The following OR56B2 variants were observed in gnomAD, a reference collection of about 807,000 sequenced individuals.
The protein encoded by OR56B2 is olfactory receptor 56B2.
At chr11:5,764,895 A>G in the OR56B2 span, among the ~76,000 whole-genome samples, 6 of 139,814 alleles carry the variant, frequency 4.3e-5, no homozygotes, top group African/African-American at 1.6e-4. Context: ...GACCTACCTT[A>G]TAGAGTATTA....
chr11:5,762,316 C>A, the OR56B2 span, among the ~76,000 whole-genome samples: 2 of 151,952 alleles, frequency 1.3e-5, no homozygotes, highest in Non-Finnish European at 2.9e-5. Context: ...GAGGCCATGT[C>A]CAATACTATT....
chr11:5,763,342 T>C, the OR56B2 span, among the ~76,000 whole-genome samples: 1 of 142,460 alleles, frequency 7.0e-6, no homozygotes, highest in Non-Finnish European at 1.6e-5. Context: ...AGACGGAGTT[T>C]CACTCTTGTT....
At chr11:5,768,670 A>G in the OR56B2 span, among the ~76,000 whole-genome samples, 1 of 140,106 alleles carries the variant, frequency 7.1e-6, no homozygotes, top group African/African-American at 2.6e-5. Context: ...ACTAATTTAC[A>G]TTCAATATAA....
chr11:5,763,179 G>A, the OR56B2 span, among the ~76,000 whole-genome samples: 1 of 151,966 alleles, frequency 6.6e-6, no homozygotes, highest in East Asian at 1.9e-4. Context: ...CCTCTTTCAT[G>A]TTTTATAATA....
the OR56B2 span, among the ~76,000 whole-genome samples, chr11:5,762,271 C>G: frequency 6.6e-6 from 1 of 151,928 alleles, no homozygotes; most frequent in African/African-American, 2.4e-5. Flanking sequence ...AATTGATTTA[C>G]TATACTCTCT....
the OR56B2 span, chr11:5,766,364 G>C: frequency 7.1e-6 from 1 of 140,700 alleles, no homozygotes; most frequent in South Asian, 2.3e-4. Flanking sequence ...GTGTTGAATA[G>C]AAGTAGTTAG....
chr11:5,763,345 C>CATAGGTGAGGACTATGGCACAGATG, the OR56B2 span, among the ~76,000 whole-genome samples: 29 of 144,136 alleles, frequency 2.0e-4, no homozygotes, highest in South Asian at 4.5e-4. Context: ...CGGAGTTTCA[C>CATAGGTGAGGACTATGGCACAGATG]TCTTGTTGCC....
At chr11:5,768,315 T>C in the OR56B2 span, among the ~76,000 whole-genome samples, 1 of 139,540 alleles carries the variant, frequency 7.2e-6, no homozygotes, top group East Asian at 2.1e-4. Flanking sequence ...AGTGAGAACA[T>C]GTGGTATTTG....
At chr11:5,768,326 C>T in the OR56B2 span, among the ~76,000 whole-genome samples, 2 of 139,198 alleles carry the variant, frequency 1.4e-5, 1 homozygote, top group Admixed American at 1.5e-4. Flanking sequence ...GTGGTATTTG[C>T]TTTTCTGTTT....
the OR56B2 span, among the ~76,000 whole-genome samples, chr11:5,769,009 T>A: frequency 1.4e-5 from 2 of 139,810 alleles, no homozygotes; most frequent in Admixed American, 1.5e-4. Flanking sequence ...ATCTCTGTGA[T>A]GTCCTCATTT....
chr11:5,767,669 TGTATA>T, the OR56B2 span, among the ~76,000 whole-genome samples: 4 of 139,528 alleles, frequency 2.9e-5, no homozygotes, highest in South Asian at 4.7e-4. Flanking sequence ...TGGAAAATTT[TGTATA>T]GTAAAGAGGA....
the OR56B2 span, among the ~76,000 whole-genome samples, chr11:5,762,802 T>C: frequency 6.6e-6 from 1 of 151,820 alleles, no homozygotes; most frequent in Non-Finnish European, 1.5e-5. Context: ...TGTTTACGTA[T>C]TTATTTAAAG....
chr11:5,767,405 G>A, the OR56B2 span: 1 of 139,020 alleles, frequency 7.2e-6, no homozygotes, highest in East Asian at 2.1e-4. Flanking sequence ...GTGGAGACAA[G>A]CAAACCCTAT....
At chr11:5,766,490 T>G in the OR56B2 span, 1 of 140,266 alleles carries the variant, frequency 7.1e-6, no homozygotes, top group Non-Finnish European at 1.6e-5. Flanking sequence ...CTTTATTATG[T>G]GTCTTATATT....
chr11:5,766,029 A>G, the OR56B2 span: 1 of 140,480 alleles, frequency 7.1e-6, no homozygotes, highest in Admixed American at 7.4e-5. Context: ...AGGCTTATAC[A>G]AGGTACTTAG....
At chr11:5,764,507 A>T in the OR56B2 span, among the ~76,000 whole-genome samples, 1 of 141,300 alleles carries the variant, frequency 7.1e-6, no homozygotes, top group Non-Finnish European at 1.6e-5. Flanking sequence ...CGTTATTAGA[A>T]TGCTTACACA....
At chr11:5,768,923 A>G in the OR56B2 span, among the ~76,000 whole-genome samples, 1 of 134,720 alleles carries the variant, frequency 7.4e-6, no homozygotes, top group South Asian at 2.4e-4. Flanking sequence ...ACGTTTGTCA[A>G]AAGTATATAT....
chr11:5,762,392 GT>G, the OR56B2 span, among the ~76,000 whole-genome samples: 1 of 151,876 alleles, frequency 6.6e-6, no homozygotes, highest in Non-Finnish European at 1.5e-5. Flanking sequence ...AATGTCATTT[GT>G]TTTTTATGGC....
chr11:5,764,048 C>T, the OR56B2 span, among the ~76,000 whole-genome samples: 2 of 140,256 alleles, frequency 1.4e-5, no homozygotes, highest in African/African-American at 2.6e-5. Context: ...ATAATTTTAG[C>T]GCACAAATTT....
Sources: gnomAD v4.1 joint callset for allele counts (sites outside exome capture counted in the v4.1 genomes callset) on GRCh38, gnomAD v4.1.1 for gene constraint, MANE v1.5 for transcripts, NCBI Gene and HGNC (gene_info 2026-07-23, HGNC 2026-07-21) for gene names.